The following SEZ6 variants were observed in gnomAD, a reference collection of about 807,000 sequenced individuals.
The protein encoded by SEZ6 is seizure protein 6 homolog.
Under a neutral mutation model 101.0 loss-of-function variants are expected in SEZ6, and 53 were observed. The observed-to-expected ratio is 0.52, with a 90% confidence interval of 0.42 to 0.66. The LOEUF (loss-of-function observed/expected upper bound fraction) is 0.66, where lower values mean the gene tolerates loss of function less well. SEZ6 is among the 30% of genes least tolerant of loss of function. SEZ6 has a pLI of 0.00. For synonymous variants in SEZ6, 488 were observed against 512.2 expected, an observed-to-expected ratio of 0.95 and a Z score of 0.64; for missense variants, 1,102 against 1,289.4, an observed-to-expected ratio of 0.85 and a Z score of 2.23.
chr17:28,990,893 T>C (rs1166001118), intron 1 of SEZ6, among the ~76,000 whole-genome samples: 1 of 152,144 alleles, frequency 6.6e-6, no homozygotes, highest in Non-Finnish European at 1.5e-5. Flanking sequence ...CTCTGGTCTC[T>C]CATTTATTTA....
At chr17:28,989,728 G>A (rs2041431144) in intron 1 of SEZ6, among the ~76,000 whole-genome samples, 1 of 152,160 alleles carries the variant, frequency 6.6e-6, no homozygotes, top group Non-Finnish European at 1.5e-5. Flanking sequence ...TTAGTTTATA[G>A]TTTAAATGAT....
At position 28,959,237 on chromosome 17, in the gene SEZ6, G is replaced by A. The variant is rs377628343; in HGVS notation, c.1911-16C>T. The A allele has an allele frequency of 1.5e-4, 239 of 1,612,034 alleles. No homozygotes were observed. The highest frequency in any genetic ancestry group is 1.8e-4 in the Non-Finnish European group (208 of 1,178,862). ...TATGCGCAGCCTGTGAAGGAGGAGC[G>A]TCAGGGCAGAGCCGGCCTGGGGGCC... On this transcript the variant is annotated splice_polypyrimidine_tract_variant and intron_variant, in intron 9 of 16. Coordinates refer to ENST00000317338, the MANE Select transcript of SEZ6 (RefSeq NM_178860.5). The surrounding 1 kb of genome is among the most constrained non-coding windows in gnomAD (Gnocchi z 4.4).
At chr17:28,973,935 G>A (rs2041186530) in intron 3 of SEZ6, among the ~76,000 whole-genome samples, 1 of 152,196 alleles carries the variant, frequency 6.6e-6, no homozygotes, top group Non-Finnish European at 1.5e-5. Context: ...GTCTAACACT[G>A]CCCTGCTTCC....
At chr17:29,001,926 G>T (rs1182016615) in intron 1 of SEZ6, among the ~76,000 whole-genome samples, 6 of 152,142 alleles carry the variant, frequency 3.9e-5, no homozygotes, top group Non-Finnish European at 2.9e-5. Context: ...GTGCTATAAG[G>T]CATGGCAACT....
At chr17:28,961,279 C>T (rs1395298670) in intron 5 of SEZ6, among the ~76,000 whole-genome samples, 3 of 152,042 alleles carry the variant, frequency 2.0e-5, no homozygotes, top group Non-Finnish European at 4.4e-5. Context: ...AGTCACTTTC[C>T]CTCTCTGCTG....
intron 4 of SEZ6, among the ~76,000 whole-genome samples, chr17:28,964,678 G>C (rs901214368): frequency 1.3e-5 from 2 of 152,240 alleles, no homozygotes; most frequent in Non-Finnish European, 2.9e-5. Context: ...CAGCAGCAAA[G>C]AGTGAAATCA....
intron 2 of SEZ6, among the ~76,000 whole-genome samples, chr17:28,980,658 G>A (rs762819565): frequency 1.3e-5 from 2 of 151,792 alleles, no homozygotes; most frequent in Non-Finnish European, 2.9e-5. Context: ...ATGAGCCACC[G>A]CGCCCGGCCA....
At chr17:28,986,250 T>G (rs2041381752) in intron 1 of SEZ6, among the ~76,000 whole-genome samples, 1 of 152,338 alleles carries the variant, frequency 6.6e-6, no homozygotes, top group Non-Finnish European at 1.5e-5. Context: ...CCCGCCTCCC[T>G]GCCCGCGCCG....
At chr17:28,968,643 T>C (rs2041105943) in intron 4 of SEZ6, among the ~76,000 whole-genome samples, 1 of 152,050 alleles carries the variant, frequency 6.6e-6, no homozygotes, top group South Asian at 2.1e-4. Flanking sequence ...GCCAGACTGC[T>C]CCAGTAGTTT....
intron 13 of SEZ6, 28 bp downstream of exon 13, chr17:28,957,017 G>C: frequency 6.5e-7 from 1 of 1,545,960 alleles, no homozygotes; most frequent in Non-Finnish European, 8.8e-7. Flanking sequence ...GGGCCAGGGA[G>C]GGTTTTGAGG....
chr17:28,971,380 G>A (rs1880603589), intron 3 of SEZ6, among the ~76,000 whole-genome samples: 1 of 152,032 alleles, frequency 6.6e-6, no homozygotes. Flanking sequence ...ATCACCTGAG[G>A]TCAGGATTTC....
intron 2 of SEZ6, 67 bp from the exon 3 acceptor site, chr17:28,979,880 C>CAT: frequency 1.2e-6 from 1 of 856,692 alleles, no homozygotes. Flanking sequence ...AAGGCTGAAC[C>CAT]GTGTGTGTGT....
intron 3 of SEZ6, among the ~76,000 whole-genome samples, chr17:28,973,073 G>A (rs1292356301): frequency 6.6e-6 from 1 of 152,178 alleles, no homozygotes; most frequent in African/African-American, 2.4e-5. Flanking sequence ...AAGCTGTAGC[G>A]ACAGAGTAAC....
intron 3 of SEZ6, among the ~76,000 whole-genome samples, chr17:28,971,982 A>G (rs2041157337): frequency 2.6e-5 from 4 of 152,212 alleles, no homozygotes; most frequent in Admixed American, 2.6e-4. Context: ...CCCAGCTCAC[A>G]TTTGGTGCCA....
intron 1 of SEZ6, among the ~76,000 whole-genome samples, chr17:28,995,352 G>C (rs551156322): frequency 6.6e-6 from 1 of 152,192 alleles, no homozygotes; most frequent in Admixed American, 6.5e-5. Context: ...GTATGTGGGG[G>C]GGGGTGCATT....
chr17:28,959,658 G>A lies in SEZ6; in HGVS notation c.1771+40C>T, dbSNP rs1266765860. 4.5e-6 allele frequency: 7 copies of A among 1,549,504 alleles called. No individual in the cohort carries two copies. The highest frequency in any genetic ancestry group is 6.1e-6 in the Non-Finnish European group (7 of 1,147,578). ...GCTGCTATTCTCCTGGTATGACCCT[G>A]CCTTTTGCCCGGTAGGCCCATCCAC... On this transcript the variant is annotated intron_variant, in intron 8 of 16. Coordinates refer to ENST00000317338, the MANE Select transcript of SEZ6 (RefSeq NM_178860.5). This position sits in a 1 kb window ranked among gnomAD's most constrained non-coding sequence, Gnocchi z 4.4.
chr17:28,957,781 C>T (rs2040907882), intron 11 of SEZ6, 166 bp downstream of exon 11: 2 of 922,804 alleles, frequency 2.2e-6, no homozygotes, highest in East Asian at 2.7e-5. Flanking sequence ...GCTGATAACC[C>T]CATGAAAAGT....
At chr17:28,961,730 G>A (rs999595397) in intron 5 of SEZ6, among the ~76,000 whole-genome samples, 1 of 152,156 alleles carries the variant, frequency 6.6e-6, no homozygotes, top group Admixed American at 6.6e-5. Context: ...ACTCCTGGCG[G>A]TTATGTGAGG....
Position 28,959,128 on chromosome 17 carries a change from G to C in SEZ6, c.2004C>G (p.His668Gln). 1 of 1,613,964 alleles carries C rather than the reference G, an allele frequency of 6.2e-7. No homozygotes were observed. Among genetic ancestry groups the C allele is most frequent in the Non-Finnish European group, 8.5e-7 (1 of 1,179,876 alleles). The change falls in exon 10 of 17, where the codon CAC becomes CAG. Residue 668 changes from histidine (H) to glutamine (Q), a missense_variant. His to Gln is a conservative substitution (Grantham distance 24). Around this residue, in one of 3 missense-constraint regions of SEZ6, gnomAD observed 556 missense variants for 735.1 expected, o/e 0.76. Coordinates refer to ENST00000317338, the MANE Select transcript of SEZ6 (RefSeq NM_178860.5). The surrounding 1 kb of genome is among the most constrained non-coding windows in gnomAD (Gnocchi z 4.4). ...CAGCCATGGAGGTAAAGAGCTTGAA[G>C]TGGCTACGGGGCCCTGAGTACTGGC... is the stretch of plus-strand genomic sequence containing the variant. ...VLGQYSGPRSHFKLFTSMADV... is the reference protein window; with the variant it reads ...VLGQYSGPRSQFKLFTSMADV...
Sources: gnomAD v4.1 joint callset for allele counts (sites outside exome capture counted in the v4.1 genomes callset) on GRCh38, gnomAD v4.1.1 for gene constraint, gnomAD v4.1.1 regional missense constraint, Gnocchi (gnomAD v3.1) non-coding constraint, MANE v1.5 for transcripts, NCBI Gene and HGNC (gene_info 2026-07-23, HGNC 2026-07-21) for gene names.